Variants in PIP5K1B observed in about 807,000 individuals in gnomAD.
The protein encoded by PIP5K1B is phosphatidylinositol-4-phosphate 5-kinase type 1 beta.
Under a neutral mutation model 67.0 loss-of-function variants are expected in PIP5K1B, and 42 were observed. The observed-to-expected ratio is 0.63, with a 90% CI of 0.49 to 0.81. The LOEUF (loss-of-function observed/expected upper bound fraction) is 0.81, where lower values mean the gene tolerates loss of function less well. Among genes scored for constraint, PIP5K1B ranks in the 30% least tolerant of loss-of-function variants. PIP5K1B has a pLI of 0.00. For synonymous variants in PIP5K1B, 214 were observed against 231.4 expected (o/e 0.92, Z 0.68); for missense variants, 459 against 646.3 (o/e 0.71, Z 3.14).
At chr9:68,932,310 A>G (rs1222926090) in intron 12 of PIP5K1B, among the ~76,000 whole-genome samples, 3 of 152,220 alleles carry the variant, frequency 2.0e-5, no homozygotes, top group Non-Finnish European at 4.4e-5. Context: ...TCTCAGGGCC[A>G]CATTACACCC....
chr9:68,830,837 C>T (rs138265629), intron 4 of PIP5K1B, among the ~76,000 whole-genome samples: 2 of 152,242 alleles, frequency 1.3e-5, no homozygotes, highest in East Asian at 3.9e-4. Flanking sequence ...AATTAAAAGG[C>T]TTAATATAAG....
chr9:68,793,654 G>A (rs938209338), intron 2 of PIP5K1B, among the ~76,000 whole-genome samples: 2 of 152,072 alleles, frequency 1.3e-5, no homozygotes, highest in African/African-American at 4.8e-5. Flanking sequence ...TTTTTTGGTG[G>A]GGGGAGGGGC....
chr9:68,796,688 A>G (rs1212061514), intron 2 of PIP5K1B, among the ~76,000 whole-genome samples: 1 of 152,198 alleles, frequency 6.6e-6, no homozygotes, highest in Non-Finnish European at 1.5e-5. Context: ...GGTTGCCAGG[A>G]AGTCAGTGAT....
At chr9:69,001,350 C>T (rs1830817265) in intron 15 of PIP5K1B, among the ~76,000 whole-genome samples, 1 of 152,110 alleles carries the variant, frequency 6.6e-6, no homozygotes. Context: ...TATTCCTCCC[C>T]CCACATTTTT....
chr9:68,754,959 AACT>A (rs1391064236), intron 2 of PIP5K1B, among the ~76,000 whole-genome samples: 1 of 152,208 alleles, frequency 6.6e-6, no homozygotes, highest in Non-Finnish European at 1.5e-5. Flanking sequence ...TGAAAATGGC[AACT>A]ATATTTACCT....
chr9:68,787,049 G>A (rs763653578), intron 2 of PIP5K1B, among the ~76,000 whole-genome samples: 11 of 152,134 alleles, frequency 7.2e-5, no homozygotes, highest in African/African-American at 1.9e-4. Context: ...GCTGCACTGC[G>A]GTTATGGGAT....
In PIP5K1B at chr9:68,763,322, C is replaced by T. The variant is rs146699182; in HGVS notation, c.-86+20665C>T. Among the ~76,000 whole-genome samples the T allele has an allele frequency of 1.6e-4, 24 of 152,194 alleles. 1 individual carries two copies. In the East Asian group the frequency reaches 4.4e-3, roughly 28 times the overall value. On this transcript the variant is annotated intron_variant, in intron 2 of 15. Transcript: ENST00000265382. ...ATGTGGGCATGTGAATGAGGCAAAGCGTTTAACCTTCCTGTGCTTTACTTC... is the reference window on the plus strand; with the variant it reads ...ATGTGGGCATGTGAATGAGGCAAAGTGTTTAACCTTCCTGTGCTTTACTTC...
intron 2 of PIP5K1B, chr9:68,784,630 T>A: frequency 6.0e-6 from 1 of 166,924 alleles, no homozygotes. Context: ...AACATTTTTT[T>A]TCAGGGTGTG....
intron 2 of PIP5K1B, among the ~76,000 whole-genome samples, chr9:68,763,223 G>A (rs997036827): frequency 4.6e-5 from 7 of 152,080 alleles, no homozygotes. Context: ...CTGTGCAGAG[G>A]AAAAGAGGTA....
chr9:68,979,497 G>C (rs911076416), intron 14 of PIP5K1B, among the ~76,000 whole-genome samples: 4 of 22,982 alleles, frequency 1.7e-4, no homozygotes, highest in East Asian at 3.5e-3. Context: ...CTTGGATGAG[G>C]GTTCCTCTTT....
intron 4 of PIP5K1B, among the ~76,000 whole-genome samples, chr9:68,847,413 T>TTGTG (rs777818994): frequency 0.1 from 10,202 of 101,518 alleles, 799 homozygotes; most frequent in East Asian, 0.24. Context: ...AGCAGTGGTT[T>TTGTG]TGTGTGTGTG....
At chr9:68,989,440 T>C (rs949799804) in intron 14 of PIP5K1B, among the ~76,000 whole-genome samples, 3 of 152,048 alleles carry the variant, frequency 2.0e-5, no homozygotes, top group African/African-American at 7.2e-5. Flanking sequence ...CCCTCAGCTC[T>C]ACCACCCAGG....
At chr9:68,953,552 A>C (rs1828206104) in intron 14 of PIP5K1B, among the ~76,000 whole-genome samples, 1 of 152,028 alleles carries the variant, frequency 6.6e-6, no homozygotes, top group Admixed American at 6.6e-5. Context: ...GTGGTGGTTC[A>C]CACCTATAAT....
intron 8 of PIP5K1B, among the ~76,000 whole-genome samples, chr9:68,896,393 T>A (rs1825088128): frequency 1.3e-5 from 2 of 152,018 alleles, no homozygotes. Context: ...TGCTCAGGAT[T>A]TGTCTATTTA....
At chr9:68,796,881 A>T (rs7863809) in intron 2 of PIP5K1B, among the ~76,000 whole-genome samples, 149,781 of 152,310 alleles carry the variant, frequency 0.98, 73,700 homozygotes, top group East Asian at 1. Flanking sequence ...TCCCTCCAGT[A>T]GCCCAGTGAA....
chr9:68,990,268 A>G (rs888924156), intron 14 of PIP5K1B, among the ~76,000 whole-genome samples: 1 of 152,182 alleles, frequency 6.6e-6, no homozygotes, highest in African/African-American at 2.4e-5. Context: ...ATGCAAATCC[A>G]TGGGCTCTAT....
chr9:68,995,650 A>T (rs1022901004), intron 15 of PIP5K1B, among the ~76,000 whole-genome samples: 1 of 152,160 alleles, frequency 6.6e-6, no homozygotes. Context: ...TACTAAAACT[A>T]CAAAATTAGC....
intron 1 of PIP5K1B, chr9:68,706,188 C>A (rs1218424247): frequency 6.6e-6 from 1 of 152,366 alleles, no homozygotes; most frequent in Non-Finnish European, 1.5e-5. Context: ...AGTTGGTGTT[C>A]TGCTCATTTC....
rs1213309910 is a variant in PIP5K1B at position 68,897,170 on chromosome 9, C to T, written c.771+2532C>T. Among the ~76,000 whole-genome samples the T allele has an allele frequency of 2.0e-5, 3 of 152,324 alleles. No homozygotes were observed. In the East Asian group the frequency reaches 5.8e-4, roughly 29 times the overall value. On this transcript the variant is annotated intron_variant, in intron 8 of 15. Coordinates refer to ENST00000265382, the MANE Select transcript of PIP5K1B (RefSeq NM_003558.4). Reference sequence around the variant, plus strand: ...GCCAGCACCTATCAATCAGGAATCTCCTCTGCTAAAATTCCTGTGAGACAG... The same window carrying T: ...GCCAGCACCTATCAATCAGGAATCTTCTCTGCTAAAATTCCTGTGAGACAG...
Sources: gnomAD v4.1 joint callset for allele counts (sites outside exome capture counted in the v4.1 genomes callset) on GRCh38, gnomAD v4.1.1 for gene constraint, MANE v1.5 for transcripts, NCBI Gene and HGNC (gene_info 2026-07-23, HGNC 2026-07-21) for gene names.